Variants in RNFT2 observed in about 807,000 individuals in gnomAD.
RNFT2 encodes the protein ring finger protein, transmembrane 2.
In RNFT2, 36 loss-of-function variants were observed where a neutral mutation model predicts 53.0. That is an observed-to-expected ratio of 0.68 (90% CI 0.52 to 0.90). The LOEUF is 0.90. Ranked by LOEUF, RNFT2 falls within the 40% of genes least tolerant of loss-of-function variation. RNFT2 has a pLI of 0.00. For missense variants in RNFT2, 514 were observed against 585.6 expected (o/e 0.88, Z 1.26); for synonymous variants, 260 against 253.2 (o/e 1.03, Z -0.26).
intron 7 of RNFT2, among the ~76,000 whole-genome samples, chr12:116,804,219 A>G (rs1325593285): frequency 6.6e-6 from 1 of 152,126 alleles, no homozygotes; most frequent in Non-Finnish European, 1.5e-5. Context: ...TGTGTTTTTG[A>G]GGTTTGTGTG....
chr12:116,750,876 A>G (rs1592937575), intron 4 of RNFT2, among the ~76,000 whole-genome samples: 2 of 1,100 alleles, frequency 1.8e-3, no homozygotes, highest in African/African-American at 2.5e-3. Context: ...TATATAATAT[A>G]TATATTATAT....
In RNFT2 at chr12:116,853,499, T is replaced by G. The variant is rs1419029893; in HGVS notation, c.*4051T>G. On this transcript the variant is annotated 3_prime_UTR_variant, in exon 11 of 11. Transcript: ENST00000257575. ...CATCCGGGCTGCTGAGACTCGGGAT[T>G]AGAAGAAAGAGAGGTAAATAAAGTG... is the stretch of plus-strand genomic sequence containing the variant. 6.9e-6 allele frequency: 2 copies of G among 289,106 alleles called. No individual in the cohort carries two copies. Among genetic ancestry groups the G allele is most frequent in the Non-Finnish European group, 1.3e-5 (2 of 157,572 alleles). 17.9% of individuals were successfully genotyped at this position (289,106 alleles called of 1,614,324 possible). A position where few individuals can be genotyped will look rare whatever the true frequency, so the allele number is the denominator to read the frequency against.
rs1877036749 is a variant in RNFT2 at position 116,837,471 on chromosome 12, C to T, written c.1200+1189C>T. Among the ~76,000 whole-genome samples the T allele has an allele frequency of 5.3e-5, 8 of 152,090 alleles. No individual in the cohort carries two copies. In the South Asian group the frequency reaches 1.7e-3, roughly 32 times the overall value. On this transcript the variant is annotated intron_variant, in intron 10 of 10. Coordinates refer to ENST00000257575, the MANE Select transcript of RNFT2 (RefSeq NM_001382266.1). Reference sequence around the variant, plus strand: ...CTGGAGACTAAAAGGCATGGAAAGGCTTACGGGTAGGGGGATAGAAGGTGG... The same window carrying T: ...CTGGAGACTAAAAGGCATGGAAAGGTTTACGGGTAGGGGGATAGAAGGTGG...
At chr12:116,775,651 A>G (rs1305944771) in intron 6 of RNFT2, among the ~76,000 whole-genome samples, 2 of 152,352 alleles carry the variant, frequency 1.3e-5, no homozygotes, top group East Asian at 3.9e-4. Context: ...CCTGCAGGCT[A>G]GTTAGGAAGG....
At chr12:116,810,388 C>A (rs114886188) in intron 7 of RNFT2, among the ~76,000 whole-genome samples, 1 of 152,104 alleles carries the variant, frequency 6.6e-6, no homozygotes, top group Non-Finnish European at 1.5e-5. Flanking sequence ...TCGGGGTGTG[C>A]GTTTTTCCAG....
Position 116,755,469 on chromosome 12 carries a change from T to A in RNFT2, c.627+1409T>A. Reference sequence around the variant, plus strand: ...TTGGCTCTCACAAAGTGTGCTTCTCTGGGTGGAGCAGGCTGGCGCTTGAGT... The same window carrying A: ...TTGGCTCTCACAAAGTGTGCTTCTCAGGGTGGAGCAGGCTGGCGCTTGAGT... On this transcript the variant is annotated intron_variant, in intron 5 of 10. Coordinates refer to ENST00000257575, the MANE Select transcript of RNFT2 (RefSeq NM_001382266.1). 3 of 1,140,992 alleles carry A rather than the reference T, an allele frequency of 2.6e-6. No individual in the cohort carries two copies. In the South Asian group the frequency reaches 3.7e-5, roughly 14 times the overall value. The allele number at this position is 1,140,992 out of a possible 1,614,324, so 70.7% of individuals were successfully genotyped here. A position where few individuals can be genotyped will look rare whatever the true frequency, so the allele number is the denominator to read the frequency against.
chr12:116,842,455 C>G (rs1565876460), intron 10 of RNFT2, among the ~76,000 whole-genome samples: 1 of 152,200 alleles, frequency 6.6e-6, no homozygotes, highest in Non-Finnish European at 1.5e-5. Flanking sequence ...AGCTCCCCCT[C>G]TCTTGAGTCT....
At chr12:116,841,154 C>G (rs1877228330) in intron 10 of RNFT2, among the ~76,000 whole-genome samples, 1 of 152,082 alleles carries the variant, frequency 6.6e-6, no homozygotes, top group South Asian at 2.1e-4. Flanking sequence ...TTTTACGGGT[C>G]AAGAATCCAG....
intron 7 of RNFT2, among the ~76,000 whole-genome samples, chr12:116,789,917 G>A (rs554018097): frequency 1.5e-3 from 224 of 150,128 alleles, no homozygotes; most frequent in African/African-American, 5.2e-3. Context: ...ATGGTAGATG[G>A]ATGGATGGGA....
intron 6 of RNFT2, among the ~76,000 whole-genome samples, chr12:116,774,157 G>A (rs1873319450): frequency 6.6e-6 from 1 of 152,212 alleles, no homozygotes; most frequent in African/African-American, 2.4e-5. Flanking sequence ...GGAATGTGGA[G>A]TTACTGCTAA....
chr12:116,843,702 C>T (rs1877469514), intron 10 of RNFT2, among the ~76,000 whole-genome samples: 1 of 15,002 alleles, frequency 6.7e-5, no homozygotes, highest in Admixed American at 8.3e-4. Context: ...CTCAGCTGGG[C>T]CCTGGGGTAA....
At chr12:116,767,642 C>T (rs774231628) in intron 6 of RNFT2, among the ~76,000 whole-genome samples, 16 of 152,076 alleles carry the variant, frequency 1.1e-4, no homozygotes, top group Non-Finnish European at 2.2e-4. Context: ...TGCAGTGGCA[C>T]GATCTCAGCT....
chr12:116,788,052 C>G (rs1358110692), intron 7 of RNFT2, among the ~76,000 whole-genome samples: 2 of 152,162 alleles, frequency 1.3e-5, no homozygotes, highest in Non-Finnish European at 2.9e-5. Flanking sequence ...CTCAGCCTCC[C>G]GAGAAGCTGG....
chr12:116,847,769 C>T (rs1379809118), intron 10 of RNFT2, among the ~76,000 whole-genome samples: 2 of 152,106 alleles, frequency 1.3e-5, no homozygotes, highest in South Asian at 2.1e-4. Flanking sequence ...TCGGGTGATC[C>T]GCCCACCTCA....
Position 116,841,938 on chromosome 12 carries a change from T to C in RNFT2, c.1200+5656T>C, listed in dbSNP as rs867227668. On this transcript the variant is annotated intron_variant, in intron 10 of 10. Coordinates refer to ENST00000257575, the MANE Select transcript of RNFT2 (RefSeq NM_001382266.1). Reference sequence around the variant, plus strand: ...ATATATAAAAATATATATATATAAATATATATATAAATATATATATAGAGA... The same window carrying C: ...ATATATAAAAATATATATATATAAACATATATATAAATATATATATAGAGA... Among the ~76,000 whole-genome samples the C allele has an allele frequency of 6.7e-3, 213 of 31,900 alleles. 8 individuals carry two copies. The highest frequency in any genetic ancestry group is 8.2e-3 in the Non-Finnish European group (181 of 22,012). The allele number at this position is 31,900 out of a possible 152,430, so 20.9% of individuals were successfully genotyped here. A position where few individuals can be genotyped will look rare whatever the true frequency, so the allele number is the denominator to read the frequency against.
chr12:116,739,278 G>A (rs979181679), intron 1 of RNFT2, among the ~76,000 whole-genome samples: 7 of 152,224 alleles, frequency 4.6e-5, no homozygotes, highest in Non-Finnish European at 7.3e-5. Context: ...TGAAAGGTGG[G>A]ACAGGGAGCA....
intron 5 of RNFT2, 93 bp from the exon 6 acceptor site, chr12:116,766,721 G>C: frequency 1.0e-6 from 1 of 956,612 alleles, no homozygotes; most frequent in South Asian, 1.6e-5. Context: ...TCAAAATGTT[G>C]ACAAAGTGAA....
intron 4 of RNFT2, among the ~76,000 whole-genome samples, chr12:116,753,280 A>G (rs1255064922): frequency 1.3e-5 from 2 of 149,484 alleles, no homozygotes; most frequent in African/African-American, 2.5e-5. Flanking sequence ...CCTCCTGGGT[A>G]GCTGTGACTA....
intron 7 of RNFT2, among the ~76,000 whole-genome samples, chr12:116,829,033 C>T (rs905184747): frequency 2.8e-4 from 43 of 151,744 alleles, no homozygotes; most frequent in African/African-American, 1.0e-3. Flanking sequence ...GGTCAAGACT[C>T]GCAGTTGAGA....
Sources: gnomAD v4.1 joint callset for allele counts (sites outside exome capture counted in the v4.1 genomes callset) on GRCh38, gnomAD v4.1.1 for gene constraint, MANE v1.5 for transcripts, NCBI Gene and HGNC (gene_info 2026-07-23, HGNC 2026-07-21) for gene names.